The following SETD4 variants were observed in gnomAD, a reference collection of about 807,000 sequenced individuals.
The protein encoded by SETD4 is SET domain-containing protein 4.
In SETD4, 46 loss-of-function variants were observed where a neutral mutation model predicts 58.3. The ratio of observed to expected loss-of-function variants is 0.79; its 90% CI spans 0.62 to 1.01. The LOEUF (loss-of-function observed/expected upper bound fraction) is 1.01. SETD4 is among the 50% of genes least tolerant of loss of function. The probability of loss-of-function intolerance (pLI) is 0.00; values close to 1 mark genes in which losing one functional copy is unlikely to be tolerated. For missense variants in SETD4, 490 were observed against 523.3 expected, an observed-to-expected ratio of 0.94 and a Z score of 0.62; for synonymous variants, 190 against 202.6, an observed-to-expected ratio of 0.94 and a Z score of 0.53.
intron 8 of SETD4, among the ~76,000 whole-genome samples, chr21:36,041,148 A>G (rs1480843223): frequency 2.4e-5 from 3 of 127,132 alleles, no homozygotes; most frequent in Non-Finnish European, 4.8e-5. Context: ...CGACAGAGCA[A>G]GACTCCTTCT....
At chr21:36,051,272 C>G in intron 4 of SETD4, 1 of 1,595,218 alleles carries the variant, frequency 6.3e-7, no homozygotes. Flanking sequence ...GCTCTGTTGA[C>G]AGTGACCCTG....
intron 6 of SETD4, among the ~76,000 whole-genome samples, chr21:36,044,918 T>C (rs2064236367): frequency 2.0e-5 from 3 of 152,194 alleles, no homozygotes; most frequent in African/African-American, 7.2e-5. Context: ...CTGCATGCCC[T>C]GCAAATACAC....
chr21:36,041,559 T>C lies in SETD4; in HGVS notation c.983+248A>G, dbSNP rs372195554. Among the ~76,000 whole-genome samples, 30 of 152,340 alleles carry C rather than the reference T, an allele frequency of 2.0e-4. No individual in the cohort carries two copies. The East Asian group carries it at 3.7e-3, about 19-fold the overall frequency. Reference sequence around the variant, plus strand: ...CCATCAACACATCCAAGCTCTCTTTTGGTACCATAATTTAATATTTCTAGC... The same window carrying C: ...CCATCAACACATCCAAGCTCTCTTTCGGTACCATAATTTAATATTTCTAGC... On this transcript the variant is annotated intron_variant, in intron 8 of 11. Coordinates refer to ENST00000332131, the MANE Select transcript of SETD4 (RefSeq NM_017438.5).
At chr21:36,053,200 C>T (rs2064804599) in intron 4 of SETD4, 2 of 236,152 alleles carry the variant, frequency 8.5e-6, no homozygotes, top group Admixed American at 5.3e-5. Flanking sequence ...TCCTCACCCG[C>T]TTGCTCTCTC....
intron 1 of SETD4, chr21:36,059,421 T>C (rs11701298): frequency 0.75 from 114,464 of 152,106 alleles, 43,310 homozygotes; most frequent in South Asian, 0.83. Flanking sequence ...AATGGCTGGG[T>C]ACAGTGGCTC....
At position 36,035,490 on chromosome 21, in the gene SETD4, A is replaced by G. The variant is rs2063749846; in HGVS notation, c.*503T>C. On this transcript the variant is annotated 3_prime_UTR_variant, in exon 12 of 12. Transcript: ENST00000332131. Reference sequence around the variant, plus strand: ...GAGGCCAGGAGCATGCTTAGAGGACATTCCCTCCTCCTGGAAGCTGTGTGT... The same window carrying G: ...GAGGCCAGGAGCATGCTTAGAGGACGTTCCCTCCTCCTGGAAGCTGTGTGT... 2 of 153,626 alleles carry G rather than the reference A, an allele frequency of 1.3e-5. No homozygotes were observed. The highest frequency in any genetic ancestry group is 3.8e-4 in the East Asian group (2 of 5,198). 9.5% of individuals were successfully genotyped at this position (153,626 alleles called of 1,614,324 possible). A position where few individuals can be genotyped will look rare whatever the true frequency, so the allele number is the denominator to read the frequency against.
At position 36,038,157 on chromosome 21, in the gene SETD4, A is replaced by G; in HGVS notation, c.1181T>C (p.Leu394Pro). ...YYFIEETNAV[L>P]QKVSHMKDEK... ...CATATTCTAGAAACATACCTTTTGA[A>G]GCACAGCATTAGTCTCTTCTATGAA... The change falls in exon 10 of 12, where the codon CTT becomes CCT. Residue 394 changes from leucine to proline, a missense_variant. Coordinates refer to ENST00000332131, the MANE Select transcript of SETD4 (RefSeq NM_017438.5). The G allele has an allele frequency of 6.2e-7, 1 of 1,610,072 alleles. No individual in the cohort carries two copies. The highest frequency in any genetic ancestry group is 8.5e-7 in the Non-Finnish European group (1 of 1,179,046).
chr21:36,047,656 C>T (rs2064396062), intron 5 of SETD4, among the ~76,000 whole-genome samples: 1 of 151,794 alleles, frequency 6.6e-6, no homozygotes, highest in Non-Finnish European at 1.5e-5. Context: ...CTCCAGGAAG[C>T]CTATTAAAAA....
At chr21:36,045,069 C>A (rs1463398988) in intron 6 of SETD4, among the ~76,000 whole-genome samples, 1 of 152,212 alleles carries the variant, frequency 6.6e-6, no homozygotes, top group Non-Finnish European at 1.5e-5. Context: ...TTACTGAACA[C>A]CTACTATGTG....
chr21:36,036,587 CAAT>C, intron 10 of SETD4: 3 of 934,716 alleles, frequency 3.2e-6, no homozygotes, highest in Non-Finnish European at 3.8e-6. Context: ...ATTTCATTTC[CAAT>C]AATGTCTTCA....
At chr21:36,043,990 G>C in intron 6 of SETD4, 34 bp from the exon 7 acceptor site, 1 of 1,603,706 alleles carries the variant, frequency 6.2e-7, no homozygotes. Context: ...ATTTTTTAAA[G>C]TAAGGTGTAA....
chr21:36,059,648 A>T, intron 1 of SETD4: 1 of 762,970 alleles, frequency 1.3e-6, no homozygotes, highest in Non-Finnish European at 1.6e-6. Flanking sequence ...AGATCACGCC[A>T]CTGCACTCCA....
At position 36,053,621 on chromosome 21, in the gene SETD4, C is replaced by A; in HGVS notation, c.170-1G>T. On this transcript the variant is annotated splice_acceptor_variant, in intron 3 of 11. Coordinates refer to ENST00000332131, the MANE Select transcript of SETD4 (RefSeq NM_017438.5). LOFTEE classifies it high-confidence loss of function. ...TGACTCATCAGCCCTCTTCCTGTAC[C>A]TAGGAAAGCAAAGACAGAAAGAGAG... The A allele has an allele frequency of 6.2e-7, 1 of 1,613,886 alleles. No individual in the cohort carries two copies. Among genetic ancestry groups the A allele is most frequent in the Non-Finnish European group, 8.5e-7 (1 of 1,179,862 alleles).
chr21:36,051,189 G>A (rs1274019971), intron 4 of SETD4: 5 of 1,603,020 alleles, frequency 3.1e-6, no homozygotes, highest in African/African-American at 1.3e-5. Context: ...GGTGTCCACT[G>A]CCAGTGAGAC....
intron 10 of SETD4, among the ~76,000 whole-genome samples, chr21:36,037,752 T>A (rs772350274): frequency 1.2e-4 from 19 of 152,124 alleles, no homozygotes; most frequent in Admixed American, 2.6e-4. Context: ...TCCCAGCACT[T>A]TGGGAGGCTG....
intron 6 of SETD4, among the ~76,000 whole-genome samples, 185 bp from the exon 7 acceptor site, chr21:36,044,141 G>A (rs2064193816): frequency 6.6e-6 from 1 of 152,206 alleles, no homozygotes; most frequent in South Asian, 2.1e-4. Flanking sequence ...CATTGATGAC[G>A]GAGGGAGTCC....
chr21:36,036,258 G>A lies in SETD4; in HGVS notation c.1189-7C>T. 6.3e-7 allele frequency: 1 copy of A among 1,578,584 alleles called. No individual in the cohort carries two copies. Among genetic ancestry groups the A allele is most frequent in the Non-Finnish European group, 8.6e-7 (1 of 1,168,646 alleles). On this transcript the variant is annotated splice_region_variant and splice_polypyrimidine_tract_variant and intron_variant, in intron 10 of 11. Transcript: ENST00000332131. Reference sequence around the variant, plus strand: ...CATCCTTCATATGAGACACCTGAAAGTTATTTTTTAATTATTGTTATTGTA... The same window carrying A: ...CATCCTTCATATGAGACACCTGAAAATTATTTTTTAATTATTGTTATTGTA...
In SETD4 at chr21:36,057,211, G is replaced by A; in HGVS notation, c.74-7C>T. On this transcript the variant is annotated splice_region_variant and splice_polypyrimidine_tract_variant and intron_variant, in intron 2 of 11. Transcript: ENST00000332131. ...GACTTGTGGCTCTCATTCACTATCA[G>A]GCAAGGAGAGAACAAATGGTGATTA... The A allele has an allele frequency of 6.2e-7, 1 of 1,606,100 alleles. No individual in the cohort carries two copies. The highest frequency in any genetic ancestry group is 8.5e-7 in the Non-Finnish European group (1 of 1,172,674).
chr21:36,035,933 T>C lies in SETD4; in HGVS notation c.*60A>G. 2 of 759,218 alleles carry C rather than the reference T, an allele frequency of 2.6e-6. No homozygotes were observed. Among genetic ancestry groups the C allele is most frequent in the East Asian group, 2.7e-5 (1 of 36,966 alleles). The allele number at this position is 759,218 out of a possible 1,614,324, so 47.0% of individuals were successfully genotyped here. ...GGGCAGCCACCACCCCAGCCCATGA[T>C]GATGCTCTTCAAAATTAACTTTTGT... On this transcript the variant is annotated 3_prime_UTR_variant, in exon 12 of 12. Transcript: ENST00000332131.
Sources: allele counts gnomAD v4.1 joint callset (sites outside exome capture counted in the v4.1 genomes callset), GRCh38; gene constraint gnomAD v4.1.1; transcripts MANE v1.5; gene names NCBI Gene and HGNC (gene_info 2026-07-23, HGNC 2026-07-21).